The following NTF3 variants were observed in gnomAD, a reference collection of about 807,000 sequenced individuals.
NTF3 encodes the protein neurotrophin-3.
NTF3 carries 8 observed loss-of-function variants against 26.3 expected under a neutral mutation model. The observed-to-expected ratio is 0.30, with a 90% confidence interval of 0.18 to 0.55. NTF3 has a LOEUF of 0.55. Ranked by LOEUF, NTF3 falls within the 20% of genes least tolerant of loss-of-function variation. NTF3 has a pLI of 0.93. For synonymous variants in NTF3, 154 were observed against 145.5 expected, an observed-to-expected ratio of 1.06 and a Z score of -0.42; for missense variants, 276 against 352.9, an observed-to-expected ratio of 0.78 and a Z score of 1.75.
At chr12:5,455,317 G>A (rs1018901742) in intron 1 of NTF3, among the ~76,000 whole-genome samples, 7 of 152,156 alleles carry the variant, frequency 4.6e-5, no homozygotes, top group African/African-American at 1.4e-4. Context: ...GTCTTCGATC[G>A]TTGTCAGCTC....
At chr12:5,430,619 C>T (rs960800630), upstream of NTF3, among the ~76,000 whole-genome samples, 7 of 151,884 alleles carry the variant, frequency 4.6e-5, no homozygotes, top group Admixed American at 4.6e-4. Flanking sequence ...TCCAACCCCC[C>T]AGCTACTCTC....
rs776126206 is a variant in NTF3 at position 5,452,489 on chromosome 12, C to T, written c.18+20147C>T. ...CTTTAACCATTTTGCTTCTGGGGCA[C>T]ATTTTCCTTTTGGTCACACTTTTTA... On this transcript the variant is annotated intron_variant, in intron 1 of 1. Coordinates refer to ENST00000423158, the MANE Select transcript of NTF3 (RefSeq NM_001102654.2). Among the ~76,000 whole-genome samples the T allele has an allele frequency of 4.8e-4, 73 of 152,192 alleles. 1 individual carries two copies. Among genetic ancestry groups the T allele is most frequent in the Non-Finnish European group, 3.8e-4 (26 of 68,038 alleles).
At chr12:5,466,286 G>C (rs1348201461) in intron 1 of NTF3, among the ~76,000 whole-genome samples, 2 of 152,212 alleles carry the variant, frequency 1.3e-5, no homozygotes, top group African/African-American at 2.4e-5. Flanking sequence ...GCATCCTACA[G>C]TGAGATGCAC....
chr12:5,494,603 C>T lies in NTF3; in HGVS notation c.428C>T (p.Ala143Val), dbSNP rs200821092. The change falls in exon 2 of 2, where the codon GCG becomes GTG. Residue 143 changes from alanine to valine, a missense_variant. By Grantham distance (64) the Ala-to-Val change is moderately conservative. Transcript: ENST00000423158. The surrounding 1 kb of genome is among the most constrained non-coding windows in gnomAD (Gnocchi z 8.3). ...MEDYVGSPVV[A>V]NRTSRRKRYA... The stretch of plus-strand genomic sequence containing the variant: ...GATTACGTGGGCAGCCCCGTGGTGG[C>T]GAACAGAACATCACGGCGGAAACGG... 6.8e-6 allele frequency: 11 copies of T among 1,614,036 alleles called. No individual in the cohort carries two copies. The highest frequency in any genetic ancestry group is 9.3e-6 in the Non-Finnish European group (11 of 1,180,016).
At chr12:5,434,103 C>A (rs1404428058) in intron 1 of NTF3, among the ~76,000 whole-genome samples, 1 of 152,170 alleles carries the variant, frequency 6.6e-6, no homozygotes, top group African/African-American at 2.4e-5. Flanking sequence ...AGTTCTCCAG[C>A]GTACTCAGCC....
chr12:5,446,829 G>C (rs918804396), intron 1 of NTF3, among the ~76,000 whole-genome samples: 5 of 152,192 alleles, frequency 3.3e-5, no homozygotes, highest in Non-Finnish European at 7.3e-5. Flanking sequence ...TTTGGACTTG[G>C]GATTCTCCAG....
intron 1 of NTF3, among the ~76,000 whole-genome samples, chr12:5,484,756 G>A (rs1039561226): frequency 3.3e-5 from 5 of 152,116 alleles, no homozygotes; most frequent in Admixed American, 6.5e-5. Context: ...CGTTGCATGC[G>A]TGGGGGATTA....
At chr12:5,447,678 A>G (rs1449816405) in intron 1 of NTF3, among the ~76,000 whole-genome samples, 5 of 152,178 alleles carry the variant, frequency 3.3e-5, no homozygotes, top group Admixed American at 3.3e-4. Context: ...AATTACAAAT[A>G]TATATTATGG....
chr12:5,489,033 C>T (rs887953699), intron 1 of NTF3, among the ~76,000 whole-genome samples: 2 of 152,202 alleles, frequency 1.3e-5, no homozygotes, highest in Admixed American at 6.5e-5. Context: ...AGATTTCCAG[C>T]GCTGGTCTCA....
chr12:5,486,021 G>A (rs752670379), intron 1 of NTF3, among the ~76,000 whole-genome samples: 5 of 152,296 alleles, frequency 3.3e-5, no homozygotes, highest in Non-Finnish European at 7.4e-5. Context: ...TCTGGAGAAG[G>A]GATCCAGACC....
intron 1 of NTF3, among the ~76,000 whole-genome samples, chr12:5,492,797 CTG>C (rs970598398): frequency 6.6e-6 from 1 of 152,204 alleles, no homozygotes; most frequent in African/African-American, 2.4e-5. Context: ...AAGAGGCTGT[CTG>C]TGAGTCCTGG....
At chr12:5,460,084 G>T (rs2121188751) in intron 1 of NTF3, among the ~76,000 whole-genome samples, 1 of 152,252 alleles carries the variant, frequency 6.6e-6, no homozygotes, top group East Asian at 1.9e-4. Flanking sequence ...AGCTATTACA[G>T]AGTTACCGTA....
At chr12:5,457,560 C>G (rs1343253093) in intron 1 of NTF3, among the ~76,000 whole-genome samples, 2 of 152,208 alleles carry the variant, frequency 1.3e-5, no homozygotes, top group Admixed American at 1.3e-4. Flanking sequence ...GGGCTCTCCT[C>G]TCTCCATACA....
At chr12:5,463,948 C>T (rs1251283846) in intron 1 of NTF3, among the ~76,000 whole-genome samples, 1 of 152,034 alleles carries the variant, frequency 6.6e-6, no homozygotes. Context: ...TTTGTCATTC[C>T]TCTTTGAAAT....
chr12:5,436,445 C>G (rs1214622113), intron 1 of NTF3, among the ~76,000 whole-genome samples: 2 of 152,148 alleles, frequency 1.3e-5, no homozygotes, highest in East Asian at 3.9e-4. Context: ...TAGTCCAGTT[C>G]TACCACTTGG....
At chr12:5,431,064 C>G (rs1240630350), upstream of NTF3, among the ~76,000 whole-genome samples, 1 of 152,126 alleles carries the variant, frequency 6.6e-6, no homozygotes, top group African/African-American at 2.4e-5. Context: ...CGGCTCGGAG[C>G]AAGTGAGGTC....
intron 1 of NTF3, among the ~76,000 whole-genome samples, chr12:5,471,287 C>T (rs1232139495): frequency 6.6e-6 from 1 of 152,114 alleles, no homozygotes; most frequent in African/African-American, 2.4e-5. Flanking sequence ...TAGTGGGTGA[C>T]CTTAGAAATG....
chr12:5,460,791 T>G (rs1011444873), intron 1 of NTF3, among the ~76,000 whole-genome samples: 1 of 152,224 alleles, frequency 6.6e-6, no homozygotes, highest in African/African-American at 2.4e-5. Flanking sequence ...TGCATTTCTT[T>G]CCCTTAATAC....
intron 1 of NTF3, among the ~76,000 whole-genome samples, chr12:5,466,481 A>T (rs1341561344): frequency 6.6e-6 from 1 of 152,194 alleles, no homozygotes; most frequent in African/African-American, 2.4e-5. Flanking sequence ...TTGTTCCCTC[A>T]TAATTCTTCT....
Sources: gnomAD v4.1 joint callset for allele counts (sites outside exome capture counted in the v4.1 genomes callset) on GRCh38, gnomAD v4.1.1 for gene constraint, Gnocchi (gnomAD v3.1) non-coding constraint, MANE v1.5 for transcripts, NCBI Gene and HGNC (gene_info 2026-07-23, HGNC 2026-07-21) for gene names.